The following THADA variants were observed in gnomAD, a reference collection of about 807,000 sequenced individuals.
The protein encoded by THADA is THADA armadillo repeat containing, also known as tRNA (32-2'-O)-methyltransferase regulator THADA.
Under a neutral mutation model 219.8 loss-of-function variants are expected in THADA, and 213 were observed. The ratio of observed to expected loss-of-function variants is 0.97; its 90% CI spans 0.87 to 1.09. THADA has a LOEUF of 1.09. THADA is among the 50% of genes least tolerant of loss of function. The probability of loss-of-function intolerance (pLI) is 0.00; values close to 1 mark genes in which losing one functional copy is unlikely to be tolerated. For missense variants in THADA, 2,956 were observed against 2,311.3 expected (o/e 1.28, Z -5.72); for synonymous variants, 1,018 against 828.9 (o/e 1.23, Z -3.92).
chr2:43,545,534 A>G (rs1447023233), intron 20 of THADA, among the ~76,000 whole-genome samples: 1 of 152,228 alleles, frequency 6.6e-6, no homozygotes, highest in African/African-American at 2.4e-5. Flanking sequence ...GCTATTGATT[A>G]TTGCCACAAT....
intron 29 of THADA, among the ~76,000 whole-genome samples, chr2:43,369,116 C>T (rs751066797): frequency 1.3e-5 from 2 of 152,206 alleles, no homozygotes; most frequent in South Asian, 4.1e-4. Flanking sequence ...TTACTTCATG[C>T]CCCTTGATCT....
chr2:43,523,422 A>G (rs889916456), intron 22 of THADA, among the ~76,000 whole-genome samples: 2 of 152,212 alleles, frequency 1.3e-5, no homozygotes, highest in African/African-American at 4.8e-5. Flanking sequence ...TCTTTCATTC[A>G]AAGCTGAATG....
intron 26 of THADA, among the ~76,000 whole-genome samples, chr2:43,446,174 T>C (rs1023218961): frequency 1.3e-5 from 2 of 152,248 alleles, no homozygotes; most frequent in African/African-American, 2.4e-5. Context: ...TTCTAAAATC[T>C]CACAATCAAT....
chr2:43,350,916 T>C (rs1419440678), intron 29 of THADA, among the ~76,000 whole-genome samples: 6 of 152,222 alleles, frequency 3.9e-5, no homozygotes, highest in Admixed American at 3.3e-4. Context: ...TGTAATTACT[T>C]CCTAGCTGAT....
chr2:43,268,058 G>GCC (rs1243894156), intron 36 of THADA, among the ~76,000 whole-genome samples: 1 of 152,192 alleles, frequency 6.6e-6, no homozygotes, highest in East Asian at 1.9e-4. Context: ...AAGACAAGTT[G>GCC]CCGTCAAGGC....
At chr2:43,532,503 CAT>C (rs1387474376) in intron 21 of THADA, among the ~76,000 whole-genome samples, 3 of 151,144 alleles carry the variant, frequency 2.0e-5, no homozygotes, top group Admixed American at 1.3e-4. Context: ...ACAAAAACCA[CAT>C]GATTATCTCA....
chr2:43,400,487 A>ATAT (rs1177742724), intron 28 of THADA, among the ~76,000 whole-genome samples: 6 of 145,424 alleles, frequency 4.1e-5, no homozygotes, highest in Admixed American at 6.8e-5. Flanking sequence ...AAATATATAC[A>ATAT]CTAAGAAAAA....
intron 31 of THADA, among the ~76,000 whole-genome samples, chr2:43,296,329 G>T (rs1675380642): frequency 6.6e-6 from 1 of 152,050 alleles, no homozygotes; most frequent in Non-Finnish European, 1.5e-5. Flanking sequence ...AGGCTGGAGT[G>T]CAGTGGCACA....
Position 43,541,323 on chromosome 2 carries a change from C to T in THADA, c.3107-7G>A, listed in dbSNP as rs1553482306. ...CATGTTTTTACTTCTTTACCTTAAA[C>T]AAAAAAAAACACAACGATTGCAACC... On this transcript the variant is annotated splice_polypyrimidine_tract_variant and splice_region_variant and intron_variant, in intron 20 of 37. Transcript: ENST00000405975. 1.9e-6 allele frequency: 3 copies of T among 1,588,858 alleles called. No homozygotes were observed. The African/African-American group carries it at 4.1e-5, about 22-fold the overall frequency.
chr2:43,433,846 T>C (rs1023791398), intron 26 of THADA, among the ~76,000 whole-genome samples: 1 of 152,042 alleles, frequency 6.6e-6, no homozygotes, highest in Non-Finnish European at 1.5e-5. Flanking sequence ...CACCACCACA[T>C]CTGGCTAATT....
chr2:43,381,966 T>C (rs1221942745), intron 29 of THADA, among the ~76,000 whole-genome samples: 2 of 152,148 alleles, frequency 1.3e-5, no homozygotes, highest in Admixed American at 6.5e-5. Context: ...TCAGTGGTCT[T>C]TCTCCCAAAA....
chr2:43,393,776 C>G (rs1385379582), intron 29 of THADA, among the ~76,000 whole-genome samples: 3 of 149,630 alleles, frequency 2.0e-5, no homozygotes, highest in Non-Finnish European at 3.0e-5. Flanking sequence ...ACAACAACAA[C>G]AACAACAAAA....
intron 29 of THADA, among the ~76,000 whole-genome samples, chr2:43,351,280 C>T (rs6544647): frequency 0.54 from 82,317 of 152,050 alleles, 23,327 homozygotes; most frequent in African/African-American, 0.66. Context: ...TCTACCTTTC[C>T]AGATTTAATT....
chr2:43,270,476 C>G (rs1034576874), intron 36 of THADA, among the ~76,000 whole-genome samples: 5 of 152,202 alleles, frequency 3.3e-5, no homozygotes, highest in African/African-American at 9.6e-5. Context: ...TCAAACACAA[C>G]AGTGAGTTTA....
intron 26 of THADA, among the ~76,000 whole-genome samples, chr2:43,480,824 GAAAAA>G (rs1255582214): frequency 7.7e-6 from 1 of 129,336 alleles, no homozygotes; most frequent in African/African-American, 2.8e-5. Flanking sequence ...TCTTGGGGGG[GAAAAA>G]AAAAAAAAAG....
chr2:43,540,073 CAT>C (rs1695102891), intron 21 of THADA, among the ~76,000 whole-genome samples: 1 of 152,186 alleles, frequency 6.6e-6, no homozygotes, highest in African/African-American at 2.4e-5. Context: ...GCCTCTAGCA[CAT>C]GTTTACTTCT....
chr2:43,586,900 C>A lies in THADA; in HGVS notation c.405G>T (p.Arg135Ser), dbSNP rs752439110. Residue 135 changes from arginine (R) to serine (S), a missense_variant, in exon 5 of 38, where the codon AGG becomes AGT. Transcript: ENST00000405975. ...AGGAAGAAATATTGTCAGTAACTTTCCTGTAAGAGTATAAGTCAGTAGTAT... is the reference window on the plus strand; with the variant it reads ...AGGAAGAAATATTGTCAGTAACTTTACTGTAAGAGTATAAGTCAGTAGTAT... ...ELNTTDLYSYRKVTDNISSCM... is the reference protein window; with the variant it reads ...ELNTTDLYSYSKVTDNISSCM... 1 of 1,613,854 alleles carries A rather than the reference C, an allele frequency of 6.2e-7. No homozygotes were observed. Among genetic ancestry groups the A allele is most frequent in the Non-Finnish European group, 8.5e-7 (1 of 1,179,856 alleles).
intron 8 of THADA, among the ~76,000 whole-genome samples, chr2:43,579,377 C>A (rs573105108): frequency 1.3e-5 from 2 of 152,190 alleles, no homozygotes; most frequent in Non-Finnish European, 2.9e-5. Context: ...ACTTTGCTAG[C>A]ACTGACACTG....
At chr2:43,258,279 T>A (rs539981702) in intron 36 of THADA, among the ~76,000 whole-genome samples, 1 of 152,302 alleles carries the variant, frequency 6.6e-6, no homozygotes, top group South Asian at 2.1e-4. Flanking sequence ...TCCCAGCACT[T>A]TGGGAGGCTG....
Sources: gnomAD v4.1 joint callset for allele counts (sites outside exome capture counted in the v4.1 genomes callset) on GRCh38, gnomAD v4.1.1 for gene constraint, MANE v1.5 for transcripts, NCBI Gene and HGNC (gene_info 2026-07-23, HGNC 2026-07-21) for gene names.